FANCC: variants seen among roughly 807,000 people sequenced by gnomAD.
FANCC encodes the protein FA complementation group C.
A neutral mutation model predicts 71.3 loss-of-function variants in FANCC; 55 were observed. That is an observed-to-expected ratio of 0.77 (90% CI 0.62 to 0.97). The LOEUF is 0.97. FANCC is among the 50% of genes least tolerant of loss of function. FANCC has a pLI of 0.00. For missense variants in FANCC, 678 were observed against 670.9 expected (o/e 1.01, Z -0.12); for synonymous variants, 275 against 244.9 (o/e 1.12, Z -1.15).
At chr9:95,272,248 T>G (rs1277207654) in intron 1 of FANCC, among the ~76,000 whole-genome samples, 2 of 152,076 alleles carry the variant, frequency 1.3e-5, no homozygotes, top group Non-Finnish European at 2.9e-5. Flanking sequence ...CCGCCTCCTC[T>G]TTTTTATTGA....
intron 1 of FANCC, among the ~76,000 whole-genome samples, chr9:95,308,034 C>A (rs1835165226): frequency 6.6e-6 from 1 of 152,176 alleles, no homozygotes; most frequent in South Asian, 2.1e-4. Flanking sequence ...TCAATCCATT[C>A]ATGTACATCA....
At position 95,263,357 on chromosome 9, in the gene FANCC, G is replaced by A. The variant is rs952343093; in HGVS notation, c.-78-13988C>T. 1.8e-4 allele frequency among the ~76,000 whole-genome samples: 28 copies of A among 152,140 alleles called. 1 individual carries two copies. Among genetic ancestry groups the A allele is most frequent in the African/African-American group, 6.0e-4 (25 of 41,502 alleles). On this transcript the variant is annotated intron_variant, in intron 1 of 14. Transcript: ENST00000289081. ...ATGTCTTAGGGAGACTGGGATATCC[G>A]CCAGTGCCAGGGGTGAATCTTGATT...
intron 7 of FANCC, 79 bp downstream of exon 7, chr9:95,149,844 G>A (rs934524506): frequency 9.5e-6 from 14 of 1,479,982 alleles, no homozygotes; most frequent in African/African-American, 5.6e-5. Context: ...CACTGCTGTC[G>A]TACAGTCTTT....
At chr9:95,184,316 G>GT (rs1826572059) in intron 4 of FANCC, among the ~76,000 whole-genome samples, 2 of 151,908 alleles carry the variant, frequency 1.3e-5, no homozygotes, top group African/African-American at 4.8e-5. Flanking sequence ...AAATACCATG[G>GT]TGAAAATTGG....
At chr9:95,182,657 G>A (rs1015334422) in intron 4 of FANCC, among the ~76,000 whole-genome samples, 2 of 152,112 alleles carry the variant, frequency 1.3e-5, no homozygotes, top group African/African-American at 4.8e-5. Context: ...GGTGCTGCAG[G>A]TGGGAATAGC....
At chr9:95,209,316 A>T (rs6479601) in intron 4 of FANCC, among the ~76,000 whole-genome samples, 69,533 of 151,916 alleles carry the variant, frequency 0.46, 16,119 homozygotes, top group East Asian at 0.58. Context: ...GTGTCATTGC[A>T]CATTTGCCCA....
intron 4 of FANCC, among the ~76,000 whole-genome samples, chr9:95,191,148 G>T (rs1827072980): frequency 1.3e-5 from 2 of 151,950 alleles, no homozygotes; most frequent in African/African-American, 4.8e-5. Flanking sequence ...TCTATGCTGG[G>T]GTCTTCTGTC....
intron 6 of FANCC, among the ~76,000 whole-genome samples, chr9:95,152,097 A>AT (rs1830209266): frequency 6.6e-6 from 1 of 152,172 alleles, no homozygotes; most frequent in Non-Finnish European, 1.5e-5. Flanking sequence ...CATTTTCCTG[A>AT]TAACTTGTGA....
Position 95,108,139 on chromosome 9 carries a change from G to A in FANCC, c.1330-870C>T, listed in dbSNP as rs769338244. Among the ~76,000 whole-genome samples, 7 of 151,972 alleles carry A rather than the reference G, an allele frequency of 4.6e-5. No individual in the cohort carries two copies. The East Asian group carries it at 9.6e-4, about 21-fold the overall frequency. On this transcript the variant is annotated intron_variant, in intron 13 of 14. Coordinates refer to ENST00000289081, the MANE Select transcript of FANCC (RefSeq NM_000136.3). ...CGATTTTATGGATTTTGTGTGAGGC[G>A]TTTTTTTTCCCTGGAAGTCAAGGCC...
At chr9:95,132,958 C>A (rs1827137835) in intron 8 of FANCC, among the ~76,000 whole-genome samples, 1 of 152,162 alleles carries the variant, frequency 6.6e-6, no homozygotes, top group Non-Finnish European at 1.5e-5. Flanking sequence ...GTTATGTAGA[C>A]CATCACACTT....
chr9:95,182,005 G>C (rs1826402190), intron 4 of FANCC, among the ~76,000 whole-genome samples: 1 of 152,144 alleles, frequency 6.6e-6, no homozygotes, highest in Non-Finnish European at 1.5e-5. Flanking sequence ...TGGAGCAATG[G>C]GTTGTGGCTT....
intron 4 of FANCC, among the ~76,000 whole-genome samples, chr9:95,194,144 GGA>G (rs2135756532): frequency 6.6e-6 from 1 of 152,234 alleles, no homozygotes; most frequent in Admixed American, 6.5e-5. Context: ...GGCAGAGCAT[GGA>G]AACTAGATTA....
chr9:95,149,925 C>G lies in FANCC; in HGVS notation c.684G>C (p.Leu228Phe). ...GACAGGAAACATTTGCCACTTACAG[C>G]AAAATGGCCTCGTTTACAGCCTCAA... ...EFFEAVNEAI[L>F]LKKISLPMSA... Residue 228 changes from leucine to phenylalanine, a missense_variant and splice_region_variant, in exon 7 of 15, where the codon TTG becomes TTC. Transcript: ENST00000289081. The G allele has an allele frequency of 6.3e-7, 1 of 1,598,764 alleles. No individual in the cohort carries two copies. Among genetic ancestry groups the G allele is most frequent in the Non-Finnish European group, 8.5e-7 (1 of 1,172,558 alleles).
intron 10 of FANCC, chr9:95,123,408 G>A (rs1182319353): frequency 1.3e-5 from 6 of 452,142 alleles, no homozygotes; most frequent in South Asian, 9.5e-5. Flanking sequence ...GGGAGGCCAA[G>A]GTGGGAAGAT....
intron 13 of FANCC, 82 bp downstream of exon 13, chr9:95,111,381 C>T (rs761663328): frequency 3.1e-6 from 5 of 1,597,554 alleles, no homozygotes; most frequent in African/African-American, 1.3e-5. Flanking sequence ...GAAGCCAAGC[C>T]CACAACAGAG....
chr9:95,248,646 A>G lies in FANCC; in HGVS notation c.165+481T>C, dbSNP rs1014637357. Among the ~76,000 whole-genome samples the G allele has an allele frequency of 2.0e-5, 3 of 151,980 alleles. No individual in the cohort carries two copies. In the South Asian group the frequency reaches 6.2e-4, roughly 31 times the overall value. Reference sequence around the variant, plus strand: ...ATAAAAGAAACATGACATCAAAATGAAAATATATTAAATTTTGAAAATAAT... The same window carrying G: ...ATAAAAGAAACATGACATCAAAATGGAAATATATTAAATTTTGAAAATAAT... On this transcript the variant is annotated intron_variant, in intron 2 of 14. Coordinates refer to ENST00000289081, the MANE Select transcript of FANCC (RefSeq NM_000136.3).
intron 7 of FANCC, among the ~76,000 whole-genome samples, chr9:95,142,103 C>G (rs1307499711): frequency 6.7e-6 from 1 of 149,920 alleles, no homozygotes; most frequent in Admixed American, 6.7e-5. Flanking sequence ...AGCAATTCTC[C>G]TGCCTCAGCC....
chr9:95,168,341 G>A (rs977248307), intron 6 of FANCC, among the ~76,000 whole-genome samples: 15 of 152,234 alleles, frequency 9.9e-5, no homozygotes, highest in African/African-American at 3.1e-4. Flanking sequence ...AGCCTCCATC[G>A]GCAGCACTGT....
chr9:95,099,303 A>G lies in FANCC; in HGVS notation c.*2404T>C, dbSNP rs575752521. 2.7e-5 allele frequency: 6 copies of G among 224,078 alleles called. No homozygotes were observed. The South Asian group carries it at 5.6e-4, about 21-fold the overall frequency. The allele number at this position is 224,078 out of a possible 1,614,324, so 13.9% of individuals were successfully genotyped here. The stretch of plus-strand genomic sequence containing the variant: ...CTGCTAGAGTAAGGTCAGATTCCAG[A>G]CCCTGTCGCACCTCTGAAGACCTTG... On this transcript the variant is annotated 3_prime_UTR_variant, in exon 15 of 15. Transcript: ENST00000289081.
Sources: allele counts gnomAD v4.1 joint callset (sites outside exome capture counted in the v4.1 genomes callset), GRCh38; gene constraint gnomAD v4.1.1; transcripts MANE v1.5; gene names NCBI Gene and HGNC (gene_info 2026-07-23, HGNC 2026-07-21).